LCMT1: variants seen among roughly 807,000 people sequenced by gnomAD.
LCMT1 encodes the protein leucine carboxyl methyltransferase 1.
LCMT1 carries 32 observed loss-of-function variants against 47.7 expected under a neutral mutation model. That is an observed-to-expected ratio of 0.67 (90% CI 0.51 to 0.90). The LOEUF is 0.90. Among genes scored for constraint, LCMT1 ranks in the 40% least tolerant of loss-of-function variants. The pLI is 0.00. For synonymous variants in LCMT1, 152 were observed against 149.7 expected (o/e 1.02, Z -0.11); for missense variants, 375 against 415.2 (o/e 0.90, Z 0.84).
At chr16:25,118,559 T>C (rs1001401314) in intron 1 of LCMT1, among the ~76,000 whole-genome samples, 3 of 151,934 alleles carry the variant, frequency 2.0e-5, no homozygotes, top group Non-Finnish European at 4.4e-5. Context: ...AGGAAACAAA[T>C]CAGCACAATA....
intron 3 of LCMT1, among the ~76,000 whole-genome samples, chr16:25,137,827 T>G (rs1000115938): frequency 3.3e-5 from 5 of 152,172 alleles, no homozygotes; most frequent in African/African-American, 7.2e-5. Flanking sequence ...GGGAGGGTGC[T>G]GTATCTTTCA....
At chr16:25,153,505 G>C (rs919764072) in intron 5 of LCMT1, among the ~76,000 whole-genome samples, 2 of 152,156 alleles carry the variant, frequency 1.3e-5, no homozygotes, top group Admixed American at 1.3e-4. Flanking sequence ...CAAGCAAGTG[G>C]CATTAATTCA....
At chr16:25,170,841 C>A in intron 9 of LCMT1, 36 bp downstream of exon 9, 1 of 1,345,698 alleles carries the variant, frequency 7.4e-7, no homozygotes, top group Non-Finnish European at 1.1e-6. Context: ...GATGGGCATT[C>A]ATTGTGAACT....
intron 1 of LCMT1, among the ~76,000 whole-genome samples, chr16:25,113,871 A>C (rs575830457): frequency 1.3e-5 from 2 of 152,330 alleles, no homozygotes; most frequent in Non-Finnish European, 2.9e-5. Context: ...CCTGAACTCA[A>C]GTGATCCGCT....
chr16:25,151,550 A>G lies in LCMT1; in HGVS notation c.405-4A>G, dbSNP rs201595622. Reference sequence around the variant, plus strand: ...TTTTTCTCCTCTTTCCCATCTTCCCATAGATGCAAGCCTCCCCTATCCAGC... The same window carrying G: ...TTTTTCTCCTCTTTCCCATCTTCCCGTAGATGCAAGCCTCCCCTATCCAGC... On this transcript the variant is annotated splice_polypyrimidine_tract_variant and splice_region_variant and intron_variant, in intron 4 of 10. Coordinates refer to ENST00000399069, the MANE Select transcript of LCMT1 (RefSeq NM_016309.3). 2.7e-5 allele frequency: 43 copies of G among 1,611,908 alleles called. No homozygotes were observed. The African/African-American group carries it at 4.9e-4, about 18-fold the overall frequency.
At chr16:25,128,142 CA>C (rs1358909272) in intron 1 of LCMT1, among the ~76,000 whole-genome samples, 1 of 152,132 alleles carries the variant, frequency 6.6e-6, no homozygotes, top group Non-Finnish European at 1.5e-5. Flanking sequence ...CATGAGTTTG[CA>C]GAGTGAATAA....
chr16:25,135,575 T>C (rs1360908215), intron 3 of LCMT1, among the ~76,000 whole-genome samples: 3 of 152,212 alleles, frequency 2.0e-5, no homozygotes, highest in Non-Finnish European at 4.4e-5. Context: ...GGTATGTGTG[T>C]GTCTCTAAAA....
chr16:25,141,991 G>T (rs1170278540), intron 4 of LCMT1: 2 of 152,244 alleles, frequency 1.3e-5, no homozygotes, highest in African/African-American at 4.8e-5. Context: ...ATTATGAACT[G>T]TTATTCTACT....
intron 1 of LCMT1, among the ~76,000 whole-genome samples, chr16:25,126,438 G>C (rs1032842197): frequency 6.6e-6 from 1 of 152,400 alleles, no homozygotes; most frequent in African/African-American, 2.4e-5. Context: ...TTGGACACCT[G>C]ACTCTCCCAT....
Position 25,132,393 on chromosome 16 carries a change from C to G in LCMT1, c.206-9C>G, listed in dbSNP as rs768766856. ...GATAGCTTGTTTCTGTGCCTCCCCT[C>G]CCCCCTAGGATATTTTGCTCGAGTC... On this transcript the variant is annotated splice_polypyrimidine_tract_variant and intron_variant, in intron 2 of 10. Coordinates refer to ENST00000399069, the MANE Select transcript of LCMT1 (RefSeq NM_016309.3). 1.9e-6 allele frequency: 3 copies of G among 1,610,962 alleles called. No individual in the cohort carries two copies. The East Asian group carries it at 6.7e-5, about 36-fold the overall frequency.
At chr16:25,141,441 G>A (rs2141665800) in intron 4 of LCMT1, 1 of 152,344 alleles carries the variant, frequency 6.6e-6, no homozygotes, top group Admixed American at 6.5e-5. Context: ...AACCTTCTGG[G>A]CTCAGGCAAT....
intron 3 of LCMT1, among the ~76,000 whole-genome samples, chr16:25,134,619 CAG>C (rs1960450186): frequency 6.6e-6 from 1 of 152,142 alleles, no homozygotes. Context: ...ATTTTTGAGA[CAG>C]AGTCTTACTC....
At chr16:25,121,005 C>G (rs1409483825) in intron 1 of LCMT1, among the ~76,000 whole-genome samples, 1 of 149,372 alleles carries the variant, frequency 6.7e-6, no homozygotes, top group African/African-American at 2.5e-5. Context: ...AAGCAATCCT[C>G]CCACCTTGGC....
intron 4 of LCMT1, chr16:25,141,459 C>A (rs1264391040): frequency 6.6e-6 from 1 of 152,276 alleles, no homozygotes; most frequent in Non-Finnish European, 1.5e-5. Flanking sequence ...AATCCTCCCA[C>A]CTCAGCCTCC....
chr16:25,119,458 C>T (rs913006167), intron 1 of LCMT1, among the ~76,000 whole-genome samples: 5 of 152,010 alleles, frequency 3.3e-5, no homozygotes, highest in South Asian at 2.1e-4. Context: ...GCCACAGTGA[C>T]GGGAACTGAG....
At chr16:25,135,284 A>AATATATAT (rs779986194) in intron 3 of LCMT1, among the ~76,000 whole-genome samples, 81 of 140,656 alleles carry the variant, frequency 5.8e-4, no homozygotes, top group South Asian at 3.6e-3. Context: ...TTTCTTTTAA[A>AATATATAT]ATATATATCT....
chr16:25,151,662 T>G, intron 5 of LCMT1, 47 bp downstream of exon 5: 1 of 1,474,066 alleles, frequency 6.8e-7, no homozygotes, highest in East Asian at 2.3e-5. Context: ...TATTTTTGCT[T>G]CCCACCCCCT....
intron 9 of LCMT1, among the ~76,000 whole-genome samples, chr16:25,173,628 C>CT (rs1355019336): frequency 3.3e-5 from 5 of 152,042 alleles, no homozygotes; most frequent in Non-Finnish European, 7.4e-5. Flanking sequence ...GATCCTGTTT[C>CT]TTTTTTTATT....
chr16:25,128,660 C>T, intron 2 of LCMT1, 94 bp downstream of exon 2: 2 of 907,060 alleles, frequency 2.2e-6, no homozygotes, highest in Non-Finnish European at 3.5e-6. Flanking sequence ...GCTCCCTTTC[C>T]AGCTGTGCGC....
Sources: gnomAD v4.1 joint callset for allele counts (sites outside exome capture counted in the v4.1 genomes callset) on GRCh38, gnomAD v4.1.1 for gene constraint, MANE v1.5 for transcripts, NCBI Gene and HGNC (gene_info 2026-07-23, HGNC 2026-07-21) for gene names.